RSPO2: variants seen among roughly 807,000 people sequenced by gnomAD.
The protein encoded by RSPO2 is R-spondin-2.
A neutral mutation model predicts 30.9 loss-of-function variants in RSPO2; 14 were observed. The observed-to-expected ratio is 0.45, with a 90% CI of 0.30 to 0.71. The LOEUF (loss-of-function observed/expected upper bound fraction) is 0.71. Among genes scored for constraint, RSPO2 ranks in the 30% least tolerant of loss-of-function variants. The pLI is 0.08. For synonymous variants in RSPO2, 107 were observed against 96.4 expected, an observed-to-expected ratio of 1.11 and a Z score of -0.64; for missense variants, 264 against 301.9, an observed-to-expected ratio of 0.87 and a Z score of 0.93.
In RSPO2 at chr8:107,899,716, T is replaced by TAATC. The variant is rs1166236026; in HGVS notation, c.*1355_*1358dup. On this transcript the variant is annotated 3_prime_UTR_variant, in exon 6 of 6. Coordinates refer to ENST00000276659, the MANE Select transcript of RSPO2 (RefSeq NM_178565.5). The stretch of plus-strand genomic sequence containing the variant: ...TTTTCTCCTGGATCAGCCAGGAAGA[T>TAATC]AATCATGCTTTGTGAAAAAGCCAAT... 6.6e-6 allele frequency: 1 copy of TAATC among 152,374 alleles called. No individual in the cohort carries two copies. Among genetic ancestry groups the TAATC allele is most frequent in the Admixed American group, 6.5e-5 (1 of 15,286 alleles). The allele number at this position is 152,374 out of a possible 1,614,324, so 9.4% of individuals were successfully genotyped here.
At chr8:107,989,309 T>C in intron 2 of RSPO2, 65 bp from the exon 3 acceptor site, 3 of 976,650 alleles carry the variant, frequency 3.1e-6, no homozygotes, top group Non-Finnish European at 4.5e-6. Context: ...TAAATACACC[T>C]GCTGAAAAGA....
intron 5 of RSPO2, among the ~76,000 whole-genome samples, chr8:107,935,020 T>A (rs1812669917): frequency 6.6e-6 from 1 of 152,132 alleles, no homozygotes; most frequent in Admixed American, 6.6e-5. Context: ...AATCTGGGCA[T>A]CCAAAAGGAA....
intron 5 of RSPO2, among the ~76,000 whole-genome samples, chr8:107,918,161 G>C (rs1812037119): frequency 6.6e-6 from 1 of 151,948 alleles, no homozygotes; most frequent in African/African-American, 2.4e-5. Context: ...GATCCTTTTT[G>C]TTTTCCAGGG....
chr8:108,062,364 G>A (rs866778795), intron 2 of RSPO2, among the ~76,000 whole-genome samples: 26 of 151,838 alleles, frequency 1.7e-4, no homozygotes, highest in Middle Eastern at 6.8e-3. Context: ...TATCACCACC[G>A]ATCCCACAGA....
intron 2 of RSPO2, among the ~76,000 whole-genome samples, chr8:108,057,595 TA>T (rs1181138108): frequency 1.3e-5 from 2 of 152,158 alleles, no homozygotes; most frequent in African/African-American, 4.8e-5. Flanking sequence ...ATTCAAATTT[TA>T]AAAAGCAGGA....
chr8:108,037,851 T>G (rs551368566), intron 2 of RSPO2, among the ~76,000 whole-genome samples: 2 of 152,256 alleles, frequency 1.3e-5, no homozygotes, highest in East Asian at 3.9e-4. Flanking sequence ...TACTGAAGGT[T>G]TTAAGCCCGC....
intron 2 of RSPO2, among the ~76,000 whole-genome samples, chr8:108,017,675 A>G (rs1033937768): frequency 2.0e-5 from 3 of 152,240 alleles, no homozygotes; most frequent in African/African-American, 7.2e-5. Context: ...TGACAGAACC[A>G]TCTGTCTCCA....
At chr8:107,912,239 C>T (rs1029697840) in intron 5 of RSPO2, among the ~76,000 whole-genome samples, 5 of 152,144 alleles carry the variant, frequency 3.3e-5, no homozygotes, top group Non-Finnish European at 7.4e-5. Flanking sequence ...AAAAAAGATT[C>T]CCTAGCCATG....
At chr8:107,969,300 T>C (rs1212229836) in intron 3 of RSPO2, among the ~76,000 whole-genome samples, 2 of 152,158 alleles carry the variant, frequency 1.3e-5, no homozygotes, top group African/African-American at 2.4e-5. Flanking sequence ...TTACATGCCA[T>C]AGTATCTTTT....
intron 3 of RSPO2, among the ~76,000 whole-genome samples, chr8:107,981,459 T>G (rs1385214007): frequency 6.6e-6 from 1 of 151,874 alleles, no homozygotes; most frequent in Non-Finnish European, 1.5e-5. Flanking sequence ...AAGCGGAGGT[T>G]ACAGTGAGCT....
intron 3 of RSPO2, among the ~76,000 whole-genome samples, chr8:107,972,971 G>A (rs1164167702): frequency 6.6e-6 from 1 of 152,092 alleles, no homozygotes; most frequent in African/African-American, 2.4e-5. Flanking sequence ...CTGACCATTT[G>A]TTTAAGAAAA....
At chr8:108,055,376 CG>C (rs1812212723) in intron 2 of RSPO2, among the ~76,000 whole-genome samples, 1 of 151,894 alleles carries the variant, frequency 6.6e-6, no homozygotes. Flanking sequence ...CCAGGCTAGG[CG>C]AGGAGTTTGT....
intron 2 of RSPO2, among the ~76,000 whole-genome samples, chr8:107,996,396 G>A (rs1815026715): frequency 2.0e-5 from 3 of 152,144 alleles, no homozygotes; most frequent in Non-Finnish European, 1.5e-5. Flanking sequence ...AGCTACATCA[G>A]AAGTAGCCCC....
chr8:107,997,877 T>C (rs770250639), intron 2 of RSPO2, among the ~76,000 whole-genome samples: 1 of 152,204 alleles, frequency 6.6e-6, no homozygotes, highest in African/African-American at 2.4e-5. Flanking sequence ...GCCCATGTGT[T>C]TCTAATATAC....
intron 3 of RSPO2, among the ~76,000 whole-genome samples, chr8:107,987,519 A>G (rs933751480): frequency 6.6e-6 from 1 of 152,154 alleles, no homozygotes; most frequent in African/African-American, 2.4e-5. Flanking sequence ...TCTTCCACGA[A>G]GTGTTTAAAA....
intron 2 of RSPO2, among the ~76,000 whole-genome samples, chr8:107,999,001 G>A (rs1413790120): frequency 6.6e-6 from 1 of 152,108 alleles, no homozygotes; most frequent in Non-Finnish European, 1.5e-5. Context: ...TTGGGATCGT[G>A]CGCCACTGTA....
chr8:108,001,016 T>C, intron 2 of RSPO2, among the ~76,000 whole-genome samples: 1 of 132,930 alleles, frequency 7.5e-6, no homozygotes. Flanking sequence ...AAAATAAAAA[T>C]AAATAAAAAT....
chr8:107,909,263 T>G (rs866579025), intron 5 of RSPO2, among the ~76,000 whole-genome samples: 17,024 of 143,552 alleles, frequency 0.12, 1,482 homozygotes, highest in Middle Eastern at 0.29. Flanking sequence ...CCAGTTGTTT[T>G]TTTTTTTTTT....
At chr8:108,066,460 T>TA (rs1264878631) in intron 2 of RSPO2, among the ~76,000 whole-genome samples, 1 of 150,342 alleles carries the variant, frequency 6.7e-6, no homozygotes, top group East Asian at 2.0e-4. Flanking sequence ...CTTTTTTTTT[T>TA]AATGTCATTT....
Sources: allele counts gnomAD v4.1 joint callset (sites outside exome capture counted in the v4.1 genomes callset), GRCh38; gene constraint gnomAD v4.1.1; transcripts MANE v1.5; gene names NCBI Gene and HGNC (gene_info 2026-07-23, HGNC 2026-07-21).